FAM184B: variants seen among roughly 807,000 people sequenced by gnomAD.
FAM184B encodes the protein protein FAM184B.
FAM184B carries 111 observed loss-of-function variants against 135.9 expected under a neutral mutation model. The ratio of observed to expected loss-of-function variants is 0.82; its 90% CI spans 0.70 to 0.96. The LOEUF is 0.96. FAM184B is among the 40% of genes least tolerant of loss of function. The pLI is 0.00. For synonymous variants in FAM184B, 552 were observed against 524.8 expected (o/e 1.05, Z -0.71); for missense variants, 1,375 against 1,323.9 (o/e 1.04, Z -0.60).
chr4:17,698,236 A>C (rs1030633934), intron 5 of FAM184B, among the ~76,000 whole-genome samples: 3 of 152,176 alleles, frequency 2.0e-5, no homozygotes, highest in African/African-American at 7.2e-5. Context: ...CATAAACTCT[A>C]TTCTCACTGA....
At chr4:17,715,682 A>G (rs1717388738) in intron 1 of FAM184B, among the ~76,000 whole-genome samples, 1 of 152,150 alleles carries the variant, frequency 6.6e-6, no homozygotes, top group Non-Finnish European at 1.5e-5. Context: ...GGGGTAATGC[A>G]TATGTTAAAT....
chr4:17,654,121 T>C (rs977723384), intron 10 of FAM184B, among the ~76,000 whole-genome samples: 3 of 152,054 alleles, frequency 2.0e-5, no homozygotes, highest in African/African-American at 7.2e-5. Flanking sequence ...AGATAATAAA[T>C]CTGTGTTGTT....
At chr4:17,757,749 T>A (rs1354785910) in intron 1 of FAM184B, among the ~76,000 whole-genome samples, 1 of 148,376 alleles carries the variant, frequency 6.7e-6, no homozygotes, top group African/African-American at 2.6e-5. Context: ...AGCAAAATGT[T>A]ATATAAACAA....
rs576275693 is a variant in FAM184B at position 17,639,474 on chromosome 4, C to T, written c.2520-78G>A. ...CTTGGGCTCTGGGGTTTATTTCCCTCATCGCTGCCCAGTTTGGGAGATCTG... is the reference window on the plus strand; with the variant it reads ...CTTGGGCTCTGGGGTTTATTTCCCTTATCGCTGCCCAGTTTGGGAGATCTG... On this transcript the variant is annotated intron_variant, in intron 13 of 17. Transcript: ENST00000265018. 2.7e-6 allele frequency: 4 copies of T among 1,486,256 alleles called. No homozygotes were observed. In the East Asian group the frequency reaches 9.9e-5, roughly 37 times the overall value. The allele number at this position is 1,486,256 out of a possible 1,614,324, so 92.1% of individuals were successfully genotyped here.
intron 1 of FAM184B, among the ~76,000 whole-genome samples, chr4:17,776,688 G>A (rs956153026): frequency 3.3e-5 from 5 of 152,130 alleles, no homozygotes; most frequent in South Asian, 2.1e-4. Flanking sequence ...CACTGTGCCC[G>A]GCCAGTTAAC....
At chr4:17,701,670 T>A (rs1341623833) in intron 5 of FAM184B, among the ~76,000 whole-genome samples, 2 of 152,180 alleles carry the variant, frequency 1.3e-5, no homozygotes, top group Non-Finnish European at 2.9e-5. Context: ...CAGGCCATGA[T>A]GTGGACAGTG....
At chr4:17,669,629 G>A (rs1471157225) in intron 7 of FAM184B, among the ~76,000 whole-genome samples, 1 of 152,174 alleles carries the variant, frequency 6.6e-6, no homozygotes, top group African/African-American at 2.4e-5. Context: ...GAGCTCTTCT[G>A]ATAAAAGGAA....
chr4:17,635,009 C>G lies in FAM184B; in HGVS notation c.2889G>C (p.Lys963Asn), dbSNP rs1226336516. The change falls in exon 16 of 18, where the codon AAG becomes AAC. Residue 963 changes from lysine to asparagine, a missense_variant and splice_region_variant. Transcript: ENST00000265018. Reference sequence around the variant, plus strand: ...ATTAAAACCATTAGAACCAATTTACCTTCATGGAAGGGGTCAAATATCCCG... The same window carrying G: ...ATTAAAACCATTAGAACCAATTTACGTTCATGGAAGGGGTCAAATATCCCG... ...PHPGYLTPSM[K>N]KKKVEDVPSR... 1.9e-5 allele frequency: 29 copies of G among 1,550,274 alleles called. No individual in the cohort carries two copies. Among genetic ancestry groups the G allele is most frequent in the Non-Finnish European group, 2.4e-5 (28 of 1,145,766 alleles).
At position 17,630,258 on chromosome 4, in the gene FAM184B, T is replaced by C. The variant is rs1003321597; in HGVS notation, c.*2274A>G. ...AGCAGTCCTACAGGGTTCACTGCTA[T>C]GTCCTGAATGTTGATGTCCCTTCCA... On this transcript the variant is annotated 3_prime_UTR_variant, in exon 18 of 18. Coordinates refer to ENST00000265018, the MANE Select transcript of FAM184B (RefSeq NM_015688.2). The C allele has an allele frequency of 2.0e-5, 3 of 152,180 alleles. No homozygotes were observed. The highest frequency in any genetic ancestry group is 7.2e-5 in the African/African-American group (3 of 41,452). The allele number at this position is 152,180 out of a possible 1,614,324, so 9.4% of individuals were successfully genotyped here.
At chr4:17,738,328 C>G (rs1717954110) in intron 1 of FAM184B, among the ~76,000 whole-genome samples, 1 of 152,006 alleles carries the variant, frequency 6.6e-6, no homozygotes, top group Admixed American at 6.6e-5. Context: ...CCCTGCCAAG[C>G]AGATCAATGC....
intron 5 of FAM184B, among the ~76,000 whole-genome samples, chr4:17,703,088 C>T (rs1447292511): frequency 3.3e-5 from 5 of 152,162 alleles, no homozygotes; most frequent in African/African-American, 9.7e-5. Flanking sequence ...GGGATATGAA[C>T]ATTTTGTAAT....
At chr4:17,674,798 G>A (rs927219064) in intron 7 of FAM184B, among the ~76,000 whole-genome samples, 20 of 152,232 alleles carry the variant, frequency 1.3e-4, no homozygotes, top group African/African-American at 3.4e-4. Context: ...CACTTTCTTT[G>A]ATCATTTCTA....
In FAM184B at chr4:17,781,512, C is replaced by T. The variant is rs1179867181; in HGVS notation, c.-213G>A. ...CACCCTTTTTCCTCTCCTGCTGGTT[C>T]TCTGGCTGGCTGGCTCCGCGGGCAC... On this transcript the variant is annotated 5_prime_UTR_variant, in exon 1 of 18. Coordinates refer to ENST00000265018, the MANE Select transcript of FAM184B (RefSeq NM_015688.2). This position sits in a 1 kb window ranked among gnomAD's most constrained non-coding sequence, Gnocchi z 6.5. 1 of 531,508 alleles carries T rather than the reference C, an allele frequency of 1.9e-6. No homozygotes were observed. The highest frequency in any genetic ancestry group is 3.1e-6 in the Non-Finnish European group (1 of 326,822). 32.9% of individuals were successfully genotyped at this position (531,508 alleles called of 1,614,324 possible).
intron 5 of FAM184B, among the ~76,000 whole-genome samples, chr4:17,703,887 C>G (rs571035319): frequency 1.4e-5 from 2 of 147,940 alleles, no homozygotes; most frequent in African/African-American, 4.9e-5. Flanking sequence ...GCCGAGATTG[C>G]GTCACTGCAC....
chr4:17,660,064 C>T lies in FAM184B; in HGVS notation c.1718G>A (p.Gly573Glu). Residue 573 changes from glycine to glutamate, a missense_variant, in exon 9 of 18, where the codon GGA (glycine) becomes GAA (glutamate). Transcript: ENST00000265018. ...GCCCAGTGGAGGTTGTGGGTCACTT[C>T]CCTCCTTGAGAAGCACTTTGGTCCT... is the stretch of plus-strand genomic sequence containing the variant. ...EERTKVLLKEGSDPQPPLGSL... is the reference protein window; with the variant it reads ...EERTKVLLKEESDPQPPLGSL... The T allele has an allele frequency of 6.4e-7, 1 of 1,551,576 alleles. No individual in the cohort carries two copies. Among genetic ancestry groups the T allele is most frequent in the Non-Finnish European group, 8.7e-7 (1 of 1,146,970 alleles).
Position 17,781,420 on chromosome 4 carries a change from G to C in FAM184B, c.-121C>G, listed in dbSNP as rs1719031585. ...TCGGGAGAGGTGGCACTGCAGTCCC[G>C]TCGCCTGCACCGCCGCGTGGCCCCA... On this transcript the variant is annotated 5_prime_UTR_variant, in exon 1 of 18. Coordinates refer to ENST00000265018, the MANE Select transcript of FAM184B (RefSeq NM_015688.2). This position sits in a 1 kb window ranked among gnomAD's most constrained non-coding sequence, Gnocchi z 6.5. 1 of 1,225,472 alleles carries C rather than the reference G, an allele frequency of 8.2e-7. No individual in the cohort carries two copies. Among genetic ancestry groups the C allele is most frequent in the African/African-American group, 1.6e-5 (1 of 63,158 alleles). 75.9% of individuals were successfully genotyped at this position (1,225,472 alleles called of 1,614,324 possible). A position where few individuals can be genotyped will look rare whatever the true frequency, so the allele number is the denominator to read the frequency against.
intron 11 of FAM184B, among the ~76,000 whole-genome samples, chr4:17,651,537 C>CAA (rs751455835): frequency 0.56 from 23,913 of 43,042 alleles, 8,420 homozygotes; most frequent in East Asian, 0.88. Flanking sequence ...GACTCTGTCT[C>CAA]AAAAAAAAAA....
At chr4:17,778,132 A>C (rs1034651448) in intron 1 of FAM184B, among the ~76,000 whole-genome samples, 1 of 152,156 alleles carries the variant, frequency 6.6e-6, no homozygotes, top group Admixed American at 6.5e-5. Flanking sequence ...TAACACCAAG[A>C]CAGTTCTAGA....
At position 17,652,853 on chromosome 4, in the gene FAM184B, T is replaced by C. The variant is rs1444337965; in HGVS notation, c.2168A>G (p.Gln723Arg). 1 of 1,551,532 alleles carries C rather than the reference T, an allele frequency of 6.4e-7. No individual in the cohort carries two copies. Among genetic ancestry groups the C allele is most frequent in the Admixed American group, 2.0e-5 (1 of 51,006 alleles). ...QELQEERERM[Q>R]AQQALLLESL... ...ACCTAGCAGCAGGGCCTGCTGTGCC[T>C]GCATCCTCTCACGCTCCTCCTGCAG... The change falls in exon 11 of 18, where the codon CAG becomes CGG. Residue 723 changes from glutamine (Q) to arginine (R), a missense_variant. Transcript: ENST00000265018.
Sources: allele counts gnomAD v4.1 joint callset (sites outside exome capture counted in the v4.1 genomes callset), GRCh38; gene constraint gnomAD v4.1.1; non-coding constraint Gnocchi (gnomAD v3.1); transcripts MANE v1.5; gene names NCBI Gene and HGNC (gene_info 2026-07-23, HGNC 2026-07-21).